KCTD16: variants seen among roughly 807,000 people sequenced by gnomAD.
The protein encoded by KCTD16 is BTB/POZ domain-containing protein KCTD16.
KCTD16 carries 13 observed loss-of-function variants against 33.2 expected under a neutral mutation model. The ratio of observed to expected loss-of-function variants is 0.39; its 90% CI spans 0.25 to 0.62. The LOEUF (loss-of-function observed/expected upper bound fraction) is 0.62. KCTD16 is among the 20% of genes least tolerant of loss of function. The pLI is 0.50. For synonymous variants in KCTD16, 197 were observed against 195.3 expected, an observed-to-expected ratio of 1.01 and a Z score of -0.07; for missense variants, 441 against 525.1, an observed-to-expected ratio of 0.84 and a Z score of 1.57.
At chr5:144,188,012 T>G (rs1752763866) in intron 2 of KCTD16, among the ~76,000 whole-genome samples, 1 of 152,198 alleles carries the variant, frequency 6.6e-6, no homozygotes. Context: ...AGCTTAGACA[T>G]AGTAGACTGA....
intron 2 of KCTD16, among the ~76,000 whole-genome samples, chr5:144,181,881 G>A (rs567361196): frequency 4.6e-5 from 7 of 152,210 alleles, no homozygotes; most frequent in African/African-American, 1.4e-4. Flanking sequence ...ATCACCTGAG[G>A]TCAGGAGTTT....
chr5:144,222,890 C>T (rs147438160), intron 3 of KCTD16, among the ~76,000 whole-genome samples: 4,812 of 152,230 alleles, frequency 0.032, 260 homozygotes, highest in African/African-American at 0.11. Flanking sequence ...TTGGAACCAA[C>T]CCAAATGTCC....
rs1463477288 is a variant in KCTD16, at chr5:144,477,722, C to A, written c.*3608C>A. The A allele has an allele frequency of 2.6e-5, 4 of 152,048 alleles. No individual in the cohort carries two copies. The highest frequency in any genetic ancestry group is 6.6e-5 in the Admixed American group (1 of 15,250). The allele number at this position is 152,048 out of a possible 1,614,324, so 9.4% of individuals were successfully genotyped here. A position where few individuals can be genotyped will look rare whatever the true frequency, so the allele number is the denominator to read the frequency against. On this transcript the variant is annotated 3_prime_UTR_variant, in exon 4 of 4. Transcript: ENST00000512467. Reference sequence around the variant, plus strand: ...TGACACCAGCTCCCACAATGGGAACCAAATTTTGATTCTTATACATTTTCC... The same window carrying A: ...TGACACCAGCTCCCACAATGGGAACAAAATTTTGATTCTTATACATTTTCC...
chr5:144,361,699 G>C (rs966928958), intron 3 of KCTD16, among the ~76,000 whole-genome samples: 2 of 152,058 alleles, frequency 1.3e-5, no homozygotes, highest in South Asian at 2.1e-4. Flanking sequence ...TTTTACTCAG[G>C]ATATCTTTAT....
intron 3 of KCTD16, among the ~76,000 whole-genome samples, chr5:144,339,452 T>C (rs1752572670): frequency 6.6e-6 from 1 of 152,182 alleles, no homozygotes; most frequent in African/African-American, 2.4e-5. Flanking sequence ...TCTGCCCTTC[T>C]ACTCTTGCCC....
intron 3 of KCTD16, among the ~76,000 whole-genome samples, chr5:144,428,810 C>T (rs1394820087): frequency 2.0e-5 from 3 of 152,118 alleles, no homozygotes. Context: ...ATTGAGTTGT[C>T]AACAGTCAAG....
intron 3 of KCTD16, among the ~76,000 whole-genome samples, chr5:144,208,904 T>C (rs1201594243): frequency 2.0e-5 from 3 of 152,234 alleles, no homozygotes; most frequent in Non-Finnish European, 4.4e-5. Context: ...TTATCTACAA[T>C]CTATATCTTT....
chr5:144,389,816 T>G (rs976901398), intron 3 of KCTD16, among the ~76,000 whole-genome samples: 1 of 152,234 alleles, frequency 6.6e-6, no homozygotes, highest in Non-Finnish European at 1.5e-5. Context: ...CTCTTGGTTG[T>G]GTCAAGCTGC....
intron 3 of KCTD16, among the ~76,000 whole-genome samples, chr5:144,465,264 G>A (rs1336860732): frequency 1.4e-5 from 2 of 142,150 alleles, no homozygotes; most frequent in African/African-American, 5.3e-5. Flanking sequence ...CATATTTCAG[G>A]AATCTTCTTT....
At chr5:144,235,844 C>A (rs1580810108) in intron 3 of KCTD16, among the ~76,000 whole-genome samples, 2 of 152,100 alleles carry the variant, frequency 1.3e-5, no homozygotes, top group Non-Finnish European at 2.9e-5. Flanking sequence ...GGCACAAAAC[C>A]CACCAAAATA....
At chr5:144,352,371 G>C (rs955947219) in intron 3 of KCTD16, among the ~76,000 whole-genome samples, 1 of 152,112 alleles carries the variant, frequency 6.6e-6, no homozygotes, top group Admixed American at 6.5e-5. Flanking sequence ...TACGAAGTGG[G>C]GATGTACTGG....
At chr5:144,234,597 C>A (rs1278588751) in intron 3 of KCTD16, among the ~76,000 whole-genome samples, 1 of 152,020 alleles carries the variant, frequency 6.6e-6, no homozygotes, top group Non-Finnish European at 1.5e-5. Flanking sequence ...TACTTGTCAG[C>A]TTTATGAGGC....
In KCTD16 at chr5:144,206,747, T is replaced by A; in HGVS notation, c.33T>A (p.Tyr11Ter). The change falls in exon 3 of 4, where the codon TAT becomes TAA. Residue 11 changes from tyrosine (Y) to a stop codon, truncating the protein, a stop_gained. Coordinates refer to ENST00000512467, the MANE Select transcript of KCTD16 (RefSeq NM_020768.4). LOFTEE classifies it high-confidence loss of function. ...TGAGTGGAAACTGTAGTCGTTATTA[T>A]CCTCGAGAACAAGGGTCCGCAGTTC... Reference protein sequence around the residue: MALSGNCSRYYPREQGSAVPN... With the variant: MALSGNCSRY 1 of 1,614,020 alleles carries A rather than the reference T, an allele frequency of 6.2e-7. No homozygotes were observed. The highest frequency in any genetic ancestry group is 8.5e-7 in the Non-Finnish European group (1 of 1,179,954).
At chr5:144,290,074 A>G (rs1561555210) in intron 3 of KCTD16, among the ~76,000 whole-genome samples, 1 of 152,182 alleles carries the variant, frequency 6.6e-6, no homozygotes, top group African/African-American at 2.4e-5. Flanking sequence ...TGAGTTCAGG[A>G]GTTCGAGACC....
At chr5:144,422,891 G>A (rs997000374) in intron 3 of KCTD16, among the ~76,000 whole-genome samples, 1 of 152,084 alleles carries the variant, frequency 6.6e-6, no homozygotes, top group Non-Finnish European at 1.5e-5. Context: ...TTATGCAATA[G>A]TTTATGCAAG....
intron 3 of KCTD16, among the ~76,000 whole-genome samples, chr5:144,339,481 A>G (rs1752574005): frequency 6.6e-6 from 1 of 152,096 alleles, no homozygotes; most frequent in South Asian, 2.1e-4. Flanking sequence ...GCTTTCATTT[A>G]TGAACTCAAT....
chr5:144,436,109 T>G (rs1002774503), intron 3 of KCTD16, among the ~76,000 whole-genome samples: 4 of 152,216 alleles, frequency 2.6e-5, no homozygotes, highest in African/African-American at 9.6e-5. Flanking sequence ...CTAGGTGACC[T>G]GTTGTGCAGA....
At chr5:144,350,355 A>G (rs1751389578) in intron 3 of KCTD16, among the ~76,000 whole-genome samples, 1 of 152,226 alleles carries the variant, frequency 6.6e-6, no homozygotes. Flanking sequence ...AATAAATATT[A>G]TCTCATTCTT....
intron 3 of KCTD16, among the ~76,000 whole-genome samples, chr5:144,230,122 A>G (rs751767126): frequency 1.5e-4 from 23 of 152,202 alleles, no homozygotes; most frequent in African/African-American, 4.8e-4. Context: ...AGCCTGGGTG[A>G]CAGAGCAAGA....
Sources: allele counts gnomAD v4.1 joint callset (sites outside exome capture counted in the v4.1 genomes callset), GRCh38; gene constraint gnomAD v4.1.1; transcripts MANE v1.5; gene names NCBI Gene and HGNC (gene_info 2026-07-23, HGNC 2026-07-21).